The following WASF3 variants were observed in gnomAD, a reference collection of about 807,000 sequenced individuals.
WASF3 encodes actin-binding protein WASF3.
A neutral mutation model predicts 46.6 loss-of-function variants in WASF3; 11 were observed. That is an observed-to-expected ratio of 0.24 (90% CI 0.15 to 0.39). The LOEUF is 0.39. Ranked by LOEUF, WASF3 falls within the 10% of genes least tolerant of loss-of-function variation. WASF3 has a pLI of 1.00. For missense variants in WASF3, 576 were observed against 669.8 expected, an observed-to-expected ratio of 0.86 and a Z score of 1.55; for synonymous variants, 242 against 259.7, an observed-to-expected ratio of 0.93 and a Z score of 0.65.
chr13:26,577,460 A>G, intron 1 of WASF3: 3 of 872,814 alleles, frequency 3.4e-6, no homozygotes, highest in East Asian at 2.4e-5. Flanking sequence ...TCCAGACAGC[A>G]TTGGAAAAGA....
upstream of WASF3, among the ~76,000 whole-genome samples, chr13:26,557,508 A>G (rs1879127266): frequency 7.6e-6 from 1 of 131,044 alleles, no homozygotes; most frequent in African/African-American, 2.9e-5. Context: ...CGCCTCCGCA[A>G]TCCCCCGCCC....
chr13:26,544,527 A>G, the WASF3 span, among the ~76,000 whole-genome samples: 1 of 152,208 alleles, frequency 6.6e-6, no homozygotes, highest in Non-Finnish European at 1.5e-5. Flanking sequence ...AGTTAAGTGA[A>G]TCGCAAATCT....
intron 1 of WASF3, among the ~76,000 whole-genome samples, chr13:26,605,591 TAAAAAG>T (rs945483008): frequency 1.3e-5 from 2 of 152,170 alleles, no homozygotes; most frequent in African/African-American, 4.8e-5. Flanking sequence ...GTGCTGGAAT[TAAAAAG>T]AAAAAGATTT....
intron 3 of WASF3, among the ~76,000 whole-genome samples, chr13:26,647,764 G>GAA (rs34235035): frequency 7.0e-6 from 1 of 143,470 alleles, no homozygotes. Flanking sequence ...GAGCCCTGCC[G>GAA]AAAAAAAAAA....
chr13:26,571,242 A>C (rs973596537), intron 1 of WASF3, among the ~76,000 whole-genome samples: 1 of 151,592 alleles, frequency 6.6e-6, no homozygotes. Context: ...TTTTTTCCCC[A>C]TGAAAATATC....
intron 2 of WASF3, among the ~76,000 whole-genome samples, chr13:26,614,062 T>A (rs183506103): frequency 2.0e-5 from 3 of 152,318 alleles, no homozygotes; most frequent in African/African-American, 7.2e-5. Context: ...ATATGGAATT[T>A]TCCTTTTCTT....
intron 6 of WASF3, among the ~76,000 whole-genome samples, chr13:26,672,922 G>A (rs544587696): frequency 1.4e-4 from 21 of 152,130 alleles, no homozygotes; most frequent in Non-Finnish European, 2.1e-4. Flanking sequence ...GGCTGGTTCC[G>A]GGAAAGAGGA....
chr13:26,678,511 T>TA (rs1303512093), intron 7 of WASF3, among the ~76,000 whole-genome samples: 9 of 152,200 alleles, frequency 5.9e-5, no homozygotes, highest in South Asian at 4.1e-4. Context: ...TCCCATGTTT[T>TA]AGGTATTATT....
rs183242024 is a variant in WASF3, at chr13:26,612,980, T to G, written c.-89T>G. ...TTGTAGTTTTAGTTTTGATTGCTGT[T>G]AACTACTACTGATAACTGAGCCAAA... On this transcript the variant is annotated 5_prime_UTR_variant, in exon 2 of 10. Coordinates refer to ENST00000335327, the MANE Select transcript of WASF3 (RefSeq NM_006646.6). 47 of 152,232 alleles carry G rather than the reference T, an allele frequency of 3.1e-4. No individual in the cohort carries two copies. Among genetic ancestry groups the G allele is most frequent in the Admixed American group, 1.6e-3 (25 of 15,286 alleles). 9.4% of individuals were successfully genotyped at this position (152,232 alleles called of 1,614,324 possible).
At chr13:26,619,969 C>A (rs1038995764) in intron 2 of WASF3, among the ~76,000 whole-genome samples, 3 of 152,160 alleles carry the variant, frequency 2.0e-5, no homozygotes, top group Non-Finnish European at 2.9e-5. Flanking sequence ...GGCTTACTGG[C>A]ATATTTATAA....
chr13:26,597,158 C>T (rs1293748972), intron 1 of WASF3, among the ~76,000 whole-genome samples: 2 of 152,118 alleles, frequency 1.3e-5, no homozygotes, highest in African/African-American at 4.8e-5. Flanking sequence ...TTTTTTGAGA[C>T]ATCTCACTCT....
At chr13:26,648,583 G>A (rs1488129226) in intron 3 of WASF3, among the ~76,000 whole-genome samples, 2 of 152,140 alleles carry the variant, frequency 1.3e-5, no homozygotes, top group African/African-American at 2.4e-5. Context: ...AGTTTATGAA[G>A]GAACTAGATT....
chr13:26,664,942 A>C, intron 3 of WASF3, 86 bp from the exon 4 acceptor site: 1 of 1,384,740 alleles, frequency 7.2e-7, no homozygotes, highest in Non-Finnish European at 1.0e-6. Flanking sequence ...CCACATGTTG[A>C]CAGGAATAAG....
At position 26,682,996 on chromosome 13, in the gene WASF3, A is replaced by G. The variant is rs990474705; in HGVS notation, c.1351+22A>G. 3 of 1,582,994 alleles carry G rather than the reference A, an allele frequency of 1.9e-6. No homozygotes were observed. The highest frequency in any genetic ancestry group is 1.1e-5 in the South Asian group (1 of 87,850). On this transcript the variant is annotated intron_variant, in intron 9 of 9. Transcript: ENST00000335327. This position sits in a 1 kb window ranked among gnomAD's most constrained non-coding sequence, Gnocchi z 4.4. ...ATGGGTAAGTGGAGCCCCCAGACAC[A>G]CAGCCTGCCTTTCAGCAAGAGGTTT...
upstream of WASF3, among the ~76,000 whole-genome samples, chr13:26,556,031 C>T (rs542147726): frequency 2.6e-5 from 4 of 152,178 alleles, no homozygotes; most frequent in Non-Finnish European, 4.4e-5. Flanking sequence ...ACCACATGCT[C>T]AGCACTGTAC....
At chr13:26,644,917 C>G (rs958605851) in intron 3 of WASF3, among the ~76,000 whole-genome samples, 1 of 152,134 alleles carries the variant, frequency 6.6e-6, no homozygotes, top group Non-Finnish European at 1.5e-5. Context: ...ATGGCTTTCC[C>G]CTCCCATTTG....
intron 2 of WASF3, chr13:26,622,476 G>A (rs1881336252): frequency 1.3e-5 from 2 of 152,222 alleles, no homozygotes; most frequent in African/African-American, 4.8e-5. Flanking sequence ...CCCCATTACA[G>A]TGTATTCTAT....
the WASF3 span, among the ~76,000 whole-genome samples, chr13:26,543,654 AG>A: frequency 6.6e-6 from 1 of 152,162 alleles, no homozygotes; most frequent in Non-Finnish European, 1.5e-5. Flanking sequence ...TTGCCTTCAC[AG>A]GGTGTAGAGA....
At chr13:26,550,384 G>C in the WASF3 span, among the ~76,000 whole-genome samples, 1 of 152,190 alleles carries the variant, frequency 6.6e-6, no homozygotes, top group South Asian at 2.1e-4. Flanking sequence ...ATTTCCTTCA[G>C]GTGCTGAAGG....
Sources: gnomAD v4.1 joint callset for allele counts (sites outside exome capture counted in the v4.1 genomes callset) on GRCh38, gnomAD v4.1.1 for gene constraint, Gnocchi (gnomAD v3.1) non-coding constraint, MANE v1.5 for transcripts, NCBI Gene and HGNC (gene_info 2026-07-23, HGNC 2026-07-21) for gene names.